FOXO1: variants seen among roughly 807,000 people sequenced by gnomAD.
The protein encoded by FOXO1 is forkhead box O1, also known as forkhead box protein O1.
A neutral mutation model predicts 44.1 loss-of-function variants in FOXO1; 6 were observed. The observed-to-expected ratio is 0.14, with a 90% CI of 0.07 to 0.27. FOXO1 has a LOEUF of 0.27. Ranked by LOEUF, FOXO1 falls within the 10% of genes least tolerant of loss-of-function variation. The pLI is 1.00. For missense variants in FOXO1, 737 were observed against 888.8 expected, an observed-to-expected ratio of 0.83 and a Z score of 2.17; for synonymous variants, 380 against 362.7, an observed-to-expected ratio of 1.05 and a Z score of -0.54.
chr13:40,603,353 C>CAAAAAA (rs60741629), intron 1 of FOXO1, among the ~76,000 whole-genome samples: 2 of 73,970 alleles, frequency 2.7e-5, no homozygotes, highest in Non-Finnish European at 5.7e-5. Flanking sequence ...CAGATGAATC[C>CAAAAAA]AAAAAAAAAA....
intron 1 of FOXO1, among the ~76,000 whole-genome samples, chr13:40,611,638 G>A (rs1446965207): frequency 6.6e-6 from 1 of 152,142 alleles, no homozygotes; most frequent in Admixed American, 6.5e-5. Context: ...AACATGGATG[G>A]CATGATAGGG....
chr13:40,640,799 T>TGTTGTTG (rs11398696), intron 1 of FOXO1, among the ~76,000 whole-genome samples: 2,569 of 96,066 alleles, frequency 0.027, 57 homozygotes, highest in African/African-American at 0.069. Context: ...TTGTTGTTGT[T>TGTTGTTG]TGAGACAGAG....
chr13:40,595,979 A>C (rs1456674574), intron 1 of FOXO1, among the ~76,000 whole-genome samples: 1 of 148,264 alleles, frequency 6.7e-6, no homozygotes, highest in Non-Finnish European at 1.5e-5. Context: ...GGTAGGAGTC[A>C]AGTCCAATAA....
intron 2 of FOXO1, 143 bp downstream of exon 2, chr13:40,559,366 G>A (rs1873884697): frequency 7.0e-6 from 5 of 709,374 alleles, no homozygotes; most frequent in Non-Finnish European, 1.1e-5. Flanking sequence ...CTGCAAAAAG[G>A]ACAGAGAATG....
chr13:40,634,641 C>T (rs1010002431), intron 1 of FOXO1, among the ~76,000 whole-genome samples: 4 of 151,830 alleles, frequency 2.6e-5, no homozygotes, highest in African/African-American at 7.2e-5. Flanking sequence ...GACCCTGTCT[C>T]GACAACAACA....
At position 40,641,237 on chromosome 13, in the gene FOXO1, C is replaced by T. The variant is rs9577084; in HGVS notation, c.630+24346G>A. Among the ~76,000 whole-genome samples the T allele has an allele frequency of 1.1e-3, 163 of 152,182 alleles. 4 individuals are homozygous for T. The East Asian group carries it at 0.02, about 18-fold the overall frequency. On this transcript the variant is annotated intron_variant, in intron 1 of 2. Transcript: ENST00000379561. The stretch of plus-strand genomic sequence containing the variant: ...AGCCAACTAAATAGAGCCTTCCTAT[C>T]CATCTGGTGAGGAAACCACAGGCAA...
chr13:40,596,816 A>G (rs957181019), intron 1 of FOXO1, among the ~76,000 whole-genome samples: 5 of 152,230 alleles, frequency 3.3e-5, no homozygotes, highest in Non-Finnish European at 5.9e-5. Flanking sequence ...GCACTGTAGT[A>G]TACTGAAAAG....
In FOXO1 at chr13:40,560,988, A is replaced by T. The variant is rs1873990529; in HGVS notation, c.631-128T>A. ...GTGTGCTACAGATTTCCATCTGAAC[A>T]GTCCTAATGGCTCTGAAGCCACTAC... On this transcript the variant is annotated intron_variant, in intron 1 of 2. Coordinates refer to ENST00000379561, the MANE Select transcript of FOXO1 (RefSeq NM_002015.4). The surrounding 1 kb of genome is among the most constrained non-coding windows in gnomAD (Gnocchi z 5.1). 1.2e-6 allele frequency: 1 copy of T among 845,958 alleles called. No homozygotes were observed. Among genetic ancestry groups the T allele is most frequent in the African/African-American group, 1.7e-5 (1 of 58,408 alleles). 52.4% of individuals were successfully genotyped at this position (845,958 alleles called of 1,614,324 possible).
chr13:40,619,984 C>G (rs1344005717), intron 1 of FOXO1: 3 of 699,244 alleles, frequency 4.3e-6, no homozygotes, highest in Non-Finnish European at 7.8e-6. Context: ...TTCACCAATT[C>G]AGAGACACAG....
chr13:40,649,455 C>T (rs1877609199), intron 1 of FOXO1, among the ~76,000 whole-genome samples: 1 of 152,102 alleles, frequency 6.6e-6, no homozygotes, highest in African/African-American at 2.4e-5. Context: ...AAGTGTTTTC[C>T]TTTTCCCTTC....
rs188212934 is a variant in FOXO1, at chr13:40,644,461, C to T, written c.630+21122G>A. On this transcript the variant is annotated intron_variant, in intron 1 of 2. Transcript: ENST00000379561. ...TAGGGTGGGAGAATGAAAGGAGGACCGATTAGAAGCCAGAGATAGAGTAAA... is the reference window on the plus strand; with the variant it reads ...TAGGGTGGGAGAATGAAAGGAGGACTGATTAGAAGCCAGAGATAGAGTAAA... Among the ~76,000 whole-genome samples, 35 of 151,910 alleles carry T rather than the reference C, an allele frequency of 2.3e-4. 1 individual carries two copies. Among genetic ancestry groups the T allele is most frequent in the Admixed American group, 2.1e-3 (32 of 15,268 alleles).
At chr13:40,649,578 G>T (rs543565322) in intron 1 of FOXO1, among the ~76,000 whole-genome samples, 2 of 151,944 alleles carry the variant, frequency 1.3e-5, no homozygotes, top group Non-Finnish European at 2.9e-5. Flanking sequence ...TATTAAGTAG[G>T]GTCCTCCTAT....
intron 1 of FOXO1, among the ~76,000 whole-genome samples, chr13:40,643,982 C>G (rs564220605): frequency 1.3e-5 from 2 of 152,276 alleles, no homozygotes; most frequent in East Asian, 3.9e-4. Context: ...GAAACAGAAC[C>G]AAAAACTCCT....
intron 1 of FOXO1, among the ~76,000 whole-genome samples, chr13:40,587,189 T>C (rs1459673985): frequency 6.6e-6 from 1 of 150,916 alleles, no homozygotes; most frequent in African/African-American, 2.4e-5. Context: ...CATTATTCCA[T>C]ATTTTTCCAC....
intron 1 of FOXO1, among the ~76,000 whole-genome samples, chr13:40,573,445 T>C (rs148785078): frequency 7.8e-4 from 119 of 152,242 alleles, no homozygotes; most frequent in African/African-American, 2.8e-3. Context: ...GACATCCCAC[T>C]AGGAATTCTT....
At chr13:40,632,126 C>T (rs1876983465) in intron 1 of FOXO1, among the ~76,000 whole-genome samples, 1 of 152,094 alleles carries the variant, frequency 6.6e-6, no homozygotes, top group Non-Finnish European at 1.5e-5. Flanking sequence ...AAAAAATTAG[C>T]CAGGTGTGGT....
At chr13:40,592,815 T>C (rs906408429) in intron 1 of FOXO1, among the ~76,000 whole-genome samples, 5 of 152,186 alleles carry the variant, frequency 3.3e-5, no homozygotes, top group Non-Finnish European at 5.9e-5. Flanking sequence ...CAGGCCCCTA[T>C]TGTCTTCCCA....
intron 1 of FOXO1, among the ~76,000 whole-genome samples, chr13:40,656,688 A>G (rs1241204666): frequency 6.6e-6 from 1 of 152,212 alleles, no homozygotes; most frequent in African/African-American, 2.4e-5. Flanking sequence ...TAATGTAATC[A>G]TATTTTCATA....
chr13:40,574,826 A>G (rs1874682386), intron 1 of FOXO1, among the ~76,000 whole-genome samples: 1 of 152,226 alleles, frequency 6.6e-6, no homozygotes, highest in African/African-American at 2.4e-5. Context: ...ACCACCCCCA[A>G]AAAGAAAAGT....
Sources: allele counts gnomAD v4.1 joint callset (sites outside exome capture counted in the v4.1 genomes callset), GRCh38; gene constraint gnomAD v4.1.1; non-coding constraint Gnocchi (gnomAD v3.1); transcripts MANE v1.5; gene names NCBI Gene and HGNC (gene_info 2026-07-23, HGNC 2026-07-21).